The following ROR2 variants were observed in gnomAD, a reference collection of about 807,000 sequenced individuals.
ROR2 encodes the protein tyrosine-protein kinase transmembrane receptor ROR2.
ROR2 carries 33 observed loss-of-function variants against 74.9 expected under a neutral mutation model. That is an observed-to-expected ratio of 0.44 (90% CI 0.33 to 0.59). The LOEUF (loss-of-function observed/expected upper bound fraction) is 0.59, where lower values mean the gene tolerates loss of function less well. Among genes scored for constraint, ROR2 ranks in the 20% least tolerant of loss-of-function variants. ROR2 has a pLI of 0.02. For synonymous variants in ROR2, 586 were observed against 558.7 expected (o/e 1.05, Z -0.69); for missense variants, 1,216 against 1,313.8 (o/e 0.93, Z 1.15).
intron 1 of ROR2, among the ~76,000 whole-genome samples, chr9:91,873,385 C>T (rs1472211928): frequency 6.8e-6 from 1 of 147,836 alleles, no homozygotes; most frequent in Non-Finnish European, 1.5e-5. Context: ...GTCAGGAGTT[C>T]GACATCAGCC....
chr9:91,889,554 A>C (rs567520843), intron 1 of ROR2, among the ~76,000 whole-genome samples: 9 of 152,194 alleles, frequency 5.9e-5, no homozygotes, highest in African/African-American at 2.2e-4. Flanking sequence ...CACTCTGTAC[A>C]GGCTGCATAG....
chr9:91,938,513 G>A lies in ROR2; in HGVS notation c.97+11354C>T, dbSNP rs114223556. On this transcript the variant is annotated intron_variant, in intron 1 of 8. Transcript: ENST00000375708. ...TGTGCACACCTGTAATCTTAGCTAT[G>A]TGGGAGAGTGAGGCAGGAGGATCAC... 4.0e-3 allele frequency among the ~76,000 whole-genome samples: 607 copies of A among 152,210 alleles called. 4 individuals are homozygous for A. Among genetic ancestry groups the A allele is most frequent in the African/African-American group, 0.014 (580 of 41,530 alleles).
At chr9:91,829,027 C>T (rs1028442786) in intron 1 of ROR2, among the ~76,000 whole-genome samples, 2 of 152,172 alleles carry the variant, frequency 1.3e-5, no homozygotes, top group Non-Finnish European at 2.9e-5. Context: ...TGATTAGAAA[C>T]ATCAGAGGAT....
At position 91,925,650 on chromosome 9, in the gene ROR2, T is replaced by C. The variant is rs140521214; in HGVS notation, c.97+24217A>G. Among the ~76,000 whole-genome samples the C allele has an allele frequency of 2.7e-3, 407 of 152,322 alleles. 2 individuals are homozygous for C. Among genetic ancestry groups the C allele is most frequent in the African/African-American group, 9.4e-3 (391 of 41,578 alleles). ...CATGCACACACCTAAGTTTCTTGGATGGCAGAAAACCAACAGATGGATAAT... is the reference window on the plus strand; with the variant it reads ...CATGCACACACCTAAGTTTCTTGGACGGCAGAAAACCAACAGATGGATAAT... On this transcript the variant is annotated intron_variant, in intron 1 of 8. Transcript: ENST00000375708.
intron 1 of ROR2, among the ~76,000 whole-genome samples, chr9:91,870,572 C>T (rs1172164782): frequency 6.6e-6 from 1 of 152,210 alleles, no homozygotes; most frequent in Non-Finnish European, 1.5e-5. Flanking sequence ...TTCCCTAGCA[C>T]GTGTCCCATA....
chr9:91,854,979 T>C (rs1194858145), intron 1 of ROR2, among the ~76,000 whole-genome samples: 1 of 152,112 alleles, frequency 6.6e-6, no homozygotes, highest in Non-Finnish European at 1.5e-5. Context: ...TAAAGGCAAA[T>C]GAAAAGACAC....
At position 91,723,817 on chromosome 9, in the gene ROR2, C is replaced by T. The variant is rs752753103; in HGVS notation, c.2677G>A (p.Gly893Ser). 8.1e-6 allele frequency: 13 copies of T among 1,613,974 alleles called. No homozygotes were observed. The highest frequency in any genetic ancestry group is 1.1e-5 in the Non-Finnish European group (13 of 1,180,034). The change falls in exon 9 of 9, where the codon GGC becomes AGC. Residue 893 changes from glycine (G) to serine (S), a missense_variant. Physicochemically the swap from Gly to Ser is moderately conservative, Grantham distance 56. Transcript: ENST00000375708. Reference protein sequence around the residue: ...MADRAALLSEGADDTQNAPED... With the variant: ...MADRAALLSESADDTQNAPED... ...GGGGCGTTCTGTGTGTCATCAGCGCCCTCTGAGAGCAGGGCTGCCCTGTCT... is the reference window on the plus strand; with the variant it reads ...GGGGCGTTCTGTGTGTCATCAGCGCTCTCTGAGAGCAGGGCTGCCCTGTCT...
chr9:91,830,809 C>CGTGTGT (rs34963566), intron 1 of ROR2, among the ~76,000 whole-genome samples: 4,263 of 139,632 alleles, frequency 0.031, 98 homozygotes, highest in Middle Eastern at 0.058. Flanking sequence ...TAACTGTGTC[C>CGTGTGT]GTGTGTGTGT....
chr9:91,780,240 G>A (rs558234796), intron 1 of ROR2, among the ~76,000 whole-genome samples: 44 of 152,284 alleles, frequency 2.9e-4, no homozygotes, highest in Non-Finnish European at 5.4e-4. Flanking sequence ...AGCCGGGCAT[G>A]GTGGCAGGAG....
At chr9:91,751,726 C>A (rs1423012574) in intron 4 of ROR2, among the ~76,000 whole-genome samples, 1 of 152,040 alleles carries the variant, frequency 6.6e-6, no homozygotes, top group Non-Finnish European at 1.5e-5. Context: ...ACAGATGAGT[C>A]AAGAAATGTG....
chr9:91,728,523 T>G (rs935124374), intron 7 of ROR2, among the ~76,000 whole-genome samples: 1 of 152,194 alleles, frequency 6.6e-6, no homozygotes, highest in Admixed American at 6.5e-5. Flanking sequence ...CTCTGCCCCC[T>G]GGGTTCAAGT....
chr9:91,840,996 C>G (rs983322160), intron 1 of ROR2, among the ~76,000 whole-genome samples: 2 of 152,230 alleles, frequency 1.3e-5, no homozygotes, highest in Non-Finnish European at 2.9e-5. Context: ...CAAAGACAAG[C>G]TGAAACAGCT....
rs1390444485 is a variant in ROR2 at position 91,905,892 on chromosome 9, A to G, written c.97+43975T>C. 6.6e-6 allele frequency among the ~76,000 whole-genome samples: 1 copy of G among 152,108 alleles called. No individual in the cohort carries two copies. Among genetic ancestry groups the G allele is most frequent in the Non-Finnish European group, 1.5e-5 (1 of 68,024 alleles). On this transcript the variant is annotated intron_variant, in intron 1 of 8. Coordinates refer to ENST00000375708, the MANE Select transcript of ROR2 (RefSeq NM_004560.4). The surrounding 1 kb of genome is among the most constrained non-coding windows in gnomAD (Gnocchi z 5.3). ...ATTCTTGATCCCAGTGGAAGATTAC[A>G]TATTAAAGAAAATGCAGAAAATTAC...
intron 1 of ROR2, among the ~76,000 whole-genome samples, chr9:91,944,695 T>C (rs1831967049): frequency 6.6e-6 from 1 of 152,038 alleles, no homozygotes; most frequent in Non-Finnish European, 1.5e-5. Flanking sequence ...CTAAAAAACA[T>C]TGCTGAAAGA....
At chr9:91,899,589 G>A (rs900241687) in intron 1 of ROR2, among the ~76,000 whole-genome samples, 1 of 152,158 alleles carries the variant, frequency 6.6e-6, no homozygotes, top group African/African-American at 2.4e-5. Context: ...CTGGCACTGA[G>A]CAGGTGGGCA....
chr9:91,903,881 C>G (rs896935558), intron 1 of ROR2, among the ~76,000 whole-genome samples: 2 of 152,200 alleles, frequency 1.3e-5, no homozygotes, highest in Non-Finnish European at 2.9e-5. Flanking sequence ...ATTCTCAAAA[C>G]AATATCCATT....
intron 1 of ROR2, among the ~76,000 whole-genome samples, chr9:91,929,336 G>A (rs911994946): frequency 1.3e-5 from 2 of 152,164 alleles, no homozygotes; most frequent in Non-Finnish European, 2.9e-5. Context: ...AAACGTTACC[G>A]CAGCCACAGA....
chr9:91,922,481 T>C (rs5000044), intron 1 of ROR2, among the ~76,000 whole-genome samples: 13,230 of 151,404 alleles, frequency 0.087, 1,046 homozygotes, highest in East Asian at 0.22. Flanking sequence ...TGAGATGGAG[T>C]CTCACTCTGC....
intron 1 of ROR2, among the ~76,000 whole-genome samples, chr9:91,909,224 G>A (rs1009039953): frequency 1.3e-5 from 2 of 152,180 alleles, no homozygotes; most frequent in African/African-American, 4.8e-5. Context: ...TCAAATGTGT[G>A]CATCTCAGGA....
Sources: allele counts gnomAD v4.1 joint callset (sites outside exome capture counted in the v4.1 genomes callset), GRCh38; gene constraint gnomAD v4.1.1; non-coding constraint Gnocchi (gnomAD v3.1); transcripts MANE v1.5; gene names NCBI Gene and HGNC (gene_info 2026-07-23, HGNC 2026-07-21).